The following CSMD3 variants were observed in gnomAD, a reference collection of about 807,000 sequenced individuals.
CSMD3 encodes CUB and sushi domain-containing protein 3.
CSMD3 carries 177 observed loss-of-function variants against 435.2 expected under a neutral mutation model. The observed-to-expected ratio is 0.41, with a 90% CI of 0.36 to 0.46. The LOEUF (loss-of-function observed/expected upper bound fraction) is 0.46. CSMD3 is among the 20% of genes least tolerant of loss of function. The pLI is 0.34. For missense variants in CSMD3, 4,265 were observed against 4,504.6 expected (o/e 0.95, Z 1.52); for synonymous variants, 1,656 against 1,520.5 (o/e 1.09, Z -2.07).
chr8:113,392,633 A>G (rs1327568116), intron 1 of CSMD3, among the ~76,000 whole-genome samples: 2 of 152,114 alleles, frequency 1.3e-5, no homozygotes, highest in African/African-American at 4.8e-5. Context: ...ATTCTAGAAT[A>G]ATATGGATAT....
chr8:113,371,905 G>GGGA, intron 1 of CSMD3, among the ~76,000 whole-genome samples: 1 of 152,198 alleles, frequency 6.6e-6, no homozygotes, highest in African/African-American at 2.4e-5. Context: ...TATATGAACA[G>GGGA]GTATTGCTCA....
intron 35 of CSMD3, among the ~76,000 whole-genome samples, chr8:112,391,585 T>C (rs1830420624): frequency 6.6e-6 from 1 of 151,744 alleles, no homozygotes. Flanking sequence ...CCAGCTACTC[T>C]GGAGGCTGAG....
At chr8:112,858,061 A>C (rs1300163102) in intron 11 of CSMD3, among the ~76,000 whole-genome samples, 1 of 151,678 alleles carries the variant, frequency 6.6e-6, no homozygotes, top group African/African-American at 2.4e-5. Flanking sequence ...CTTCTATGAG[A>C]CAAATCTAAT....
chr8:113,015,322 C>T (rs1401067729), intron 6 of CSMD3, among the ~76,000 whole-genome samples: 1 of 151,980 alleles, frequency 6.6e-6, no homozygotes, highest in East Asian at 1.9e-4. Context: ...TGTAAAATAT[C>T]ATTATCTTTC....
At chr8:112,547,006 T>C (rs1039665644) in intron 27 of CSMD3, among the ~76,000 whole-genome samples, 6 of 152,196 alleles carry the variant, frequency 3.9e-5, no homozygotes, top group African/African-American at 9.6e-5. Flanking sequence ...ATTGCCTGAT[T>C]TATTATTTTT....
At chr8:112,429,719 T>A (rs2130379101) in intron 32 of CSMD3, among the ~76,000 whole-genome samples, 1 of 152,164 alleles carries the variant, frequency 6.6e-6, no homozygotes, top group Non-Finnish European at 1.5e-5. Context: ...CATTGAACTT[T>A]ACTAATATGC....
At chr8:112,312,405 C>A (rs1025612458) in intron 49 of CSMD3, among the ~76,000 whole-genome samples, 1 of 151,994 alleles carries the variant, frequency 6.6e-6, no homozygotes, top group South Asian at 2.1e-4. Flanking sequence ...CAGGTGCCCA[C>A]CACCATGCCC....
intron 35 of CSMD3, among the ~76,000 whole-genome samples, chr8:112,399,840 C>T (rs1831169676): frequency 6.6e-6 from 1 of 152,116 alleles, no homozygotes; most frequent in Non-Finnish European, 1.5e-5. Flanking sequence ...CTTTACTATC[C>T]ACATTTCTAC....
At chr8:113,237,976 G>A (rs538435789) in intron 3 of CSMD3, among the ~76,000 whole-genome samples, 4 of 151,552 alleles carry the variant, frequency 2.6e-5, no homozygotes, top group East Asian at 2.0e-4. Flanking sequence ...TGAGGAGGCC[G>A]AGGCAGGAGA....
At chr8:112,707,776 T>G (rs1279300779) in intron 13 of CSMD3, among the ~76,000 whole-genome samples, 1 of 152,114 alleles carries the variant, frequency 6.6e-6, no homozygotes, top group East Asian at 1.9e-4. Context: ...AACAGGTAAC[T>G]TCTTACTATT....
intron 1 of CSMD3, among the ~76,000 whole-genome samples, chr8:113,332,389 A>G (rs1354397613): frequency 6.6e-6 from 1 of 151,604 alleles, no homozygotes; most frequent in Non-Finnish European, 1.5e-5. Flanking sequence ...AGAAAACCCT[A>G]AAAAACACAC....
intron 1 of CSMD3, among the ~76,000 whole-genome samples, chr8:113,366,805 C>T (rs919715690): frequency 9.2e-5 from 14 of 151,976 alleles, no homozygotes; most frequent in Admixed American, 5.2e-4. Flanking sequence ...TTAATATCAA[C>T]TGTATCTTGG....
intron 15 of CSMD3, among the ~76,000 whole-genome samples, 163 bp downstream of exon 15, chr8:112,685,243 G>C (rs1273291102): frequency 2.0e-5 from 3 of 152,074 alleles, no homozygotes; most frequent in African/African-American, 4.8e-5. Flanking sequence ...AGTAAAATGT[G>C]ATTGGAAATG....
chr8:112,600,759 G>T (rs1476622111), intron 22 of CSMD3, among the ~76,000 whole-genome samples: 1 of 151,566 alleles, frequency 6.6e-6, no homozygotes, highest in African/African-American at 2.4e-5. Context: ...CTCACTGCAA[G>T]CTCCACCTCC....
intron 27 of CSMD3, among the ~76,000 whole-genome samples, chr8:112,534,968 C>T (rs1292602763): frequency 9.2e-5 from 14 of 152,062 alleles, no homozygotes; most frequent in Admixed American, 1.3e-4. Context: ...AGGCCTTTGA[C>T]AAAATTCAAC....
At chr8:113,233,201 T>C (rs950957052) in intron 3 of CSMD3, among the ~76,000 whole-genome samples, 2 of 151,654 alleles carry the variant, frequency 1.3e-5, no homozygotes, top group African/African-American at 4.8e-5. Context: ...TCATATTCAA[T>C]TGAACTTATA....
intron 38 of CSMD3, among the ~76,000 whole-genome samples, chr8:112,378,243 T>C (rs896764743): frequency 6.7e-6 from 1 of 149,264 alleles, no homozygotes; most frequent in Admixed American, 6.7e-5. Flanking sequence ...TTATAAACAA[T>C]AGTAGGGAGG....
chr8:113,282,643 A>T (rs1217716437), intron 2 of CSMD3, among the ~76,000 whole-genome samples: 1 of 152,158 alleles, frequency 6.6e-6, no homozygotes, highest in East Asian at 1.9e-4. Context: ...AATGTTTTGA[A>T]AATGACCATA....
intron 27 of CSMD3, among the ~76,000 whole-genome samples, chr8:112,537,387 A>G (rs952278438): frequency 1.4e-5 from 2 of 141,538 alleles, no homozygotes; most frequent in African/African-American, 2.6e-5. Flanking sequence ...AAGAAATTAT[A>G]AAGATCAGAA....
Sources: gnomAD v4.1 joint callset for allele counts (sites outside exome capture counted in the v4.1 genomes callset) on GRCh38, gnomAD v4.1.1 for gene constraint, MANE v1.5 for transcripts, NCBI Gene and HGNC (gene_info 2026-07-23, HGNC 2026-07-21) for gene names.